Variants in ZNF608 observed in about 807,000 individuals in gnomAD.
ZNF608 encodes zinc finger protein 608, also known as renal carcinoma antigen NY-REN-36.
In ZNF608, 12 loss-of-function variants were observed where a neutral mutation model predicts 109.0. The ratio of observed to expected loss-of-function variants is 0.11; its 90% confidence interval spans 0.07 to 0.18. The LOEUF (loss-of-function observed/expected upper bound fraction) is 0.18, where lower values mean the gene tolerates loss of function less well. ZNF608 is among the 10% of genes least tolerant of loss of function. The probability of loss-of-function intolerance (pLI) is 1.00; values close to 1 mark genes in which losing one functional copy is unlikely to be tolerated. For synonymous variants in ZNF608, 732 were observed against 717.4 expected, an observed-to-expected ratio of 1.02 and a Z score of -0.33; for missense variants, 1,707 against 1,879.3, an observed-to-expected ratio of 0.91 and a Z score of 1.70.
Position 124,738,306 on chromosome 5 carries a change from A to T in ZNF608, c.906+5778T>A, listed in dbSNP as rs138896375. On this transcript the variant is annotated intron_variant, in intron 2 of 9. Transcript: ENST00000513986. ...GGTTATTTTCCCTAAGATGTTGCTA[A>T]CAAGGATAGCCCAGTATTTCCTTAG... is the stretch of plus-strand genomic sequence containing the variant. 1.2e-4 allele frequency among the ~76,000 whole-genome samples: 19 copies of T among 152,326 alleles called. No individual in the cohort carries two copies. The East Asian group carries it at 3.5e-3, about 28-fold the overall frequency.
chr5:124,659,154 A>G (rs1751141623), intron 3 of ZNF608, among the ~76,000 whole-genome samples: 1 of 148,996 alleles, frequency 6.7e-6, no homozygotes, highest in Non-Finnish European at 1.5e-5. Context: ...TAATTACAGG[A>G]TTTTTTTTTT....
rs1402569853 is a variant in ZNF608, at chr5:124,745,114, T to C, written c.-125A>G. ...AAAATCTTCTAATCTTCCTCTTCTTTTTCCTGCCCCACGAATGTGTCCAGG... is the reference window on the plus strand; with the variant it reads ...AAAATCTTCTAATCTTCCTCTTCTTCTTCCTGCCCCACGAATGTGTCCAGG... On this transcript the variant is annotated 5_prime_UTR_variant, in exon 2 of 10. Transcript: ENST00000513986. 2 of 1,447,692 alleles carry C rather than the reference T, an allele frequency of 1.4e-6. No homozygotes were observed. The highest frequency in any genetic ancestry group is 1.8e-6 in the Non-Finnish European group (2 of 1,109,134). 89.7% of individuals were successfully genotyped at this position (1,447,692 alleles called of 1,614,324 possible).
chr5:124,646,772 T>C lies in ZNF608; in HGVS notation c.3612A>G (p.Glu1204=). 3 of 1,614,242 alleles carry C rather than the reference T, an allele frequency of 1.9e-6. No individual in the cohort carries two copies. The highest frequency in any genetic ancestry group is 2.5e-6 in the Non-Finnish European group (3 of 1,180,044). The change falls in exon 5 of 10, where the codon GAA becomes GAG. Residue 1204 remains glutamate (E), a synonymous_variant. Transcript: ENST00000513986. ...QADSFKAKQM[E]NHQLIKEAVE... ...CAGCCTCCTTAATAAGCTGGTGGTT[T>C]TCCATCTGCTTAGCTTTGAAGCTGT...
At chr5:124,690,772 T>A (rs529467631) in intron 3 of ZNF608, among the ~76,000 whole-genome samples, 1 of 151,706 alleles carries the variant, frequency 6.6e-6, no homozygotes, top group African/African-American at 2.4e-5. Flanking sequence ...AATCGCCAAG[T>A]AACTAACAAG....
rs1750032468 is a variant in ZNF608 at position 124,637,549 on chromosome 5, C to A, written c.*351G>T. 1 of 153,548 alleles carries A rather than the reference C, an allele frequency of 6.5e-6. No homozygotes were observed. Among genetic ancestry groups the A allele is most frequent in the African/African-American group, 2.4e-5 (1 of 41,426 alleles). 9.5% of individuals were successfully genotyped at this position (153,548 alleles called of 1,614,324 possible). A position where few individuals can be genotyped will look rare whatever the true frequency, so the allele number is the denominator to read the frequency against. ...AGTAAGTAGCCTTTTGTGGCTAACA[C>A]TTTTTAACATGACAAATACATTTTT... On this transcript the variant is annotated 3_prime_UTR_variant, in exon 10 of 10. Transcript: ENST00000513986.
intron 2 of ZNF608, among the ~76,000 whole-genome samples, chr5:124,715,637 T>C (rs1753659493): frequency 6.6e-6 from 1 of 152,222 alleles, no homozygotes; most frequent in African/African-American, 2.4e-5. Flanking sequence ...AATGGTAATA[T>C]ACACACTTCA....
chr5:124,728,606 C>T (rs1325733403), intron 2 of ZNF608, among the ~76,000 whole-genome samples: 4 of 152,162 alleles, frequency 2.6e-5, no homozygotes, highest in Non-Finnish European at 5.9e-5. Context: ...ACCTCAAACT[C>T]GTTCCTTAGC....
chr5:124,645,047 T>C (rs1398725418), intron 5 of ZNF608, among the ~76,000 whole-genome samples: 1 of 152,232 alleles, frequency 6.6e-6, no homozygotes, highest in Non-Finnish European at 1.5e-5. Context: ...TGTCTTCGTT[T>C]GCCTTTTAAT....
Position 124,644,295 on chromosome 5 carries a change from T to G in ZNF608, c.4072A>C (p.Ser1358Arg). ...AYPYPQMYDP[S>R]HPAYRAVSPV... ...GAAACAGCCCGGTATGCAGGATGGCTGGGGTCGTACATCTGTGGGTAAGGA... is the reference window on the plus strand; with the variant it reads ...GAAACAGCCCGGTATGCAGGATGGCGGGGGTCGTACATCTGTGGGTAAGGA... The change falls in exon 6 of 10, where the codon AGC (serine) becomes CGC (arginine). Residue 1358 changes from serine (S) to arginine (R), a missense_variant. By Grantham distance (110) the Ser-to-Arg change is moderately radical. Transcript: ENST00000513986. 1 of 1,613,786 alleles carries G rather than the reference T, an allele frequency of 6.2e-7. No individual in the cohort carries two copies. The highest frequency in any genetic ancestry group is 8.5e-7 in the Non-Finnish European group (1 of 1,179,696).
chr5:124,707,825 T>C (rs1465477868), intron 2 of ZNF608: 1 of 152,230 alleles, frequency 6.6e-6, no homozygotes, highest in African/African-American at 2.4e-5. Context: ...CCAGAACTAA[T>C]CATTGAGGCT....
At chr5:124,669,121 T>C (rs1370242556) in intron 3 of ZNF608, among the ~76,000 whole-genome samples, 1 of 152,136 alleles carries the variant, frequency 6.6e-6, no homozygotes, top group African/African-American at 2.4e-5. Context: ...GTAGTGACTT[T>C]ACTGCCTCTG....
chr5:124,675,052 A>C (rs1168358298), intron 3 of ZNF608, among the ~76,000 whole-genome samples: 1 of 152,210 alleles, frequency 6.6e-6, no homozygotes, highest in Non-Finnish European at 1.5e-5. Context: ...ATGTTTGCCA[A>C]ATACAACAAC....
intron 2 of ZNF608, among the ~76,000 whole-genome samples, chr5:124,732,197 A>G (rs1249280210): frequency 6.6e-6 from 1 of 152,206 alleles, no homozygotes; most frequent in African/African-American, 2.4e-5. Context: ...GCCAATTCAG[A>G]TATTTAAAAG....
chr5:124,731,804 C>T (rs1748921550), intron 2 of ZNF608, among the ~76,000 whole-genome samples: 1 of 151,928 alleles, frequency 6.6e-6, no homozygotes, highest in South Asian at 2.1e-4. Flanking sequence ...CCAGCCTGGG[C>T]GACAAAGCAA....
chr5:124,656,488 C>A (rs1751012124), intron 3 of ZNF608, among the ~76,000 whole-genome samples: 1 of 152,104 alleles, frequency 6.6e-6, no homozygotes, highest in African/African-American at 2.4e-5. Context: ...GCATTAGGAA[C>A]AGGGTTTGTT....
At chr5:124,737,834 T>C (rs546098049) in intron 2 of ZNF608, among the ~76,000 whole-genome samples, 2 of 152,288 alleles carry the variant, frequency 1.3e-5, no homozygotes, top group Non-Finnish European at 2.9e-5. Context: ...CTATGAATAG[T>C]TTAACAACCT....
At chr5:124,718,429 T>G (rs1388834978) in intron 2 of ZNF608, among the ~76,000 whole-genome samples, 1 of 152,230 alleles carries the variant, frequency 6.6e-6, no homozygotes, top group Non-Finnish European at 1.5e-5. Context: ...GAAATGAAAC[T>G]GCAGTTTATC....
chr5:124,741,181 G>A (rs939615440), intron 2 of ZNF608, among the ~76,000 whole-genome samples: 1 of 151,958 alleles, frequency 6.6e-6, no homozygotes, highest in East Asian at 1.9e-4. Context: ...AGGGAGTGGC[G>A]ACTTTTACAA....
upstream of ZNF608, chr5:124,746,838 T>C: frequency 1.1e-6 from 1 of 920,060 alleles, no homozygotes; most frequent in South Asian, 5.1e-5. Context: ...GAAGAAAGGG[T>C]GGGATGAGAA....
Sources: gnomAD v4.1 joint callset for allele counts (sites outside exome capture counted in the v4.1 genomes callset) on GRCh38, gnomAD v4.1.1 for gene constraint, MANE v1.5 for transcripts, NCBI Gene and HGNC (gene_info 2026-07-23, HGNC 2026-07-21) for gene names.